The following MCTP1 variants were observed in gnomAD, a reference collection of about 807,000 sequenced individuals.
MCTP1 encodes multiple C2 and transmembrane domain containing 1.
MCTP1 carries 69 observed loss-of-function variants against 120.6 expected under a neutral mutation model. The ratio of observed to expected loss-of-function variants is 0.57; its 90% CI spans 0.47 to 0.70. MCTP1 has a LOEUF of 0.70. Ranked by LOEUF, MCTP1 falls within the 30% of genes least tolerant of loss-of-function variation. The pLI is 0.00. For missense variants in MCTP1, 1,203 were observed against 1,248.8 expected (o/e 0.96, Z 0.55); for synonymous variants, 529 against 493.1 (o/e 1.07, Z -0.96).
At chr5:95,174,231 C>T (rs1251471216) in intron 1 of MCTP1, among the ~76,000 whole-genome samples, 1 of 152,182 alleles carries the variant, frequency 6.6e-6, no homozygotes, top group Non-Finnish European at 1.5e-5. Context: ...CGAAAATAAA[C>T]CTTCCCCAAA....
At chr5:95,271,035 C>T (rs183407059) in intron 1 of MCTP1, among the ~76,000 whole-genome samples, 113 of 151,954 alleles carry the variant, frequency 7.4e-4, no homozygotes, top group African/African-American at 2.7e-3. Context: ...TTTTCATGTA[C>T]ACGTATGCAA....
chr5:94,920,481 G>T (rs1190854484), intron 7 of MCTP1, among the ~76,000 whole-genome samples: 1 of 152,006 alleles, frequency 6.6e-6, no homozygotes, highest in African/African-American at 2.4e-5. Flanking sequence ...GGTGGCTCAC[G>T]CCTGTAATCC....
chr5:94,824,956 C>T (rs1250853492), intron 17 of MCTP1, among the ~76,000 whole-genome samples: 1 of 152,070 alleles, frequency 6.6e-6, no homozygotes, highest in Non-Finnish European at 1.5e-5. Flanking sequence ...GGCTAGCAGA[C>T]TATCTATTTT....
chr5:95,011,969 C>T (rs1836072300), intron 2 of MCTP1, among the ~76,000 whole-genome samples: 1 of 152,066 alleles, frequency 6.6e-6, no homozygotes, highest in Non-Finnish European at 1.5e-5. Flanking sequence ...TTCCCTGTCC[C>T]AGGCCTGAAA....
intron 1 of MCTP1, among the ~76,000 whole-genome samples, chr5:95,197,077 A>G (rs1750482134): frequency 1.3e-5 from 2 of 152,200 alleles, no homozygotes; most frequent in African/African-American, 4.8e-5. Context: ...ATTTCAAAGC[A>G]GTTTTCCCAG....
chr5:94,798,995 AAG>A lies in MCTP1; in HGVS notation c.2556+16_2556+17del. On this transcript the variant is annotated intron_variant, in intron 18 of 22. Transcript: ENST00000515393. ...AATAAGAACAAAAACACATACAAGT[AAG>A]AGAGTAGAGACTTACTGTATCACGT... 1 of 1,602,186 alleles carries A rather than the reference AAG, an allele frequency of 6.2e-7. No homozygotes were observed.
intron 1 of MCTP1, among the ~76,000 whole-genome samples, chr5:95,146,618 T>G (rs1159852127): frequency 6.6e-6 from 1 of 152,182 alleles, no homozygotes; most frequent in African/African-American, 2.4e-5. Context: ...TTTTTTAAAT[T>G]TTTGCCTTAA....
intron 16 of MCTP1, among the ~76,000 whole-genome samples, chr5:94,869,219 A>C (rs1797383840): frequency 6.6e-6 from 1 of 152,068 alleles, no homozygotes; most frequent in South Asian, 2.1e-4. Flanking sequence ...TACCACAGCT[A>C]TATTAATAAT....
At chr5:94,712,635 G>T (rs935145400) in intron 20 of MCTP1, among the ~76,000 whole-genome samples, 4 of 152,002 alleles carry the variant, frequency 2.6e-5, no homozygotes, top group African/African-American at 9.7e-5. Context: ...CCTATTTTCA[G>T]TAATCCCTGG....
intron 6 of MCTP1, among the ~76,000 whole-genome samples, chr5:94,929,461 T>G (rs113218195): frequency 2.7e-3 from 412 of 152,356 alleles, no homozygotes; most frequent in African/African-American, 9.5e-3. Flanking sequence ...AATACCCATA[T>G]TTAAATGTAA....
Position 95,033,655 on chromosome 5 carries a change from A to T in MCTP1, c.721-16171T>A, listed in dbSNP as rs528123616. 6.6e-5 allele frequency among the ~76,000 whole-genome samples: 10 copies of T among 152,162 alleles called. No individual in the cohort carries two copies. The East Asian group carries it at 1.9e-3, about 29-fold the overall frequency. On this transcript the variant is annotated intron_variant, in intron 1 of 22. Transcript: ENST00000515393. ...GGGCACAGTTAGAAGCATTTCCCCT[A>T]CAAACTGGAACAAGACAGATGTCCA...
chr5:95,254,177 A>G (rs1430251349), intron 1 of MCTP1, among the ~76,000 whole-genome samples: 1 of 152,146 alleles, frequency 6.6e-6, no homozygotes, highest in Non-Finnish European at 1.5e-5. Flanking sequence ...GTTTTCTTCT[A>G]TAAGCTATCT....
intron 17 of MCTP1, among the ~76,000 whole-genome samples, chr5:94,837,412 G>A (rs1364094099): frequency 1.3e-5 from 2 of 152,032 alleles, no homozygotes; most frequent in South Asian, 2.1e-4. Context: ...AATGACACAG[G>A]GAACTAGCAT....
rs151066589 is a variant in MCTP1, at chr5:94,840,176, GA to G, written c.2436+28156del. On this transcript the variant is annotated intron_variant, in intron 17 of 22. Transcript: ENST00000515393. ...ACTCATCTTAGACTCAGTGTAGCTGGAAAAAAAAAATCCTCCTTTCCCCCAA... is the reference window on the plus strand; with the variant it reads ...ACTCATCTTAGACTCAGTGTAGCTGGAAAAAAAAATCCTCCTTTCCCCCAA... 2.9e-3 allele frequency among the ~76,000 whole-genome samples: 435 copies of G among 149,470 alleles called. 2 individuals are homozygous for G. Among genetic ancestry groups the G allele is most frequent in the Non-Finnish European group, 4.6e-3 (312 of 67,216 alleles).
chr5:94,937,193 AT>A (rs1269554430), intron 5 of MCTP1, among the ~76,000 whole-genome samples: 1 of 152,114 alleles, frequency 6.6e-6, no homozygotes, highest in African/African-American at 2.4e-5. Context: ...AGAAGACGCT[AT>A]TTCCCTCTTA....
chr5:94,876,617 TG>T (rs1798928785), intron 12 of MCTP1, among the ~76,000 whole-genome samples: 1 of 152,016 alleles, frequency 6.6e-6, no homozygotes, highest in Non-Finnish European at 1.5e-5. Context: ...AGCAGACCAG[TG>T]GGTATCAAAT....
intron 2 of MCTP1, among the ~76,000 whole-genome samples, chr5:94,968,355 A>G (rs32922): frequency 0.83 from 126,704 of 152,130 alleles, 53,314 homozygotes; most frequent in African/African-American, 0.94. Context: ...TCACTTACTA[A>G]GTTTTTTTGA....
chr5:94,972,730 C>A (rs1827182133), intron 2 of MCTP1, among the ~76,000 whole-genome samples: 1 of 152,096 alleles, frequency 6.6e-6, no homozygotes, highest in African/African-American at 2.4e-5. Flanking sequence ...AACAACTTTT[C>A]AAATAGATTT....
intron 3 of MCTP1, among the ~76,000 whole-genome samples, chr5:94,947,555 AATATAT>A (rs377155852): frequency 0.011 from 438 of 39,498 alleles, 37 homozygotes; most frequent in Non-Finnish European, 0.016. Context: ...TAGTTTACTA[AATATAT>A]ATATATATAT....
Sources: allele counts gnomAD v4.1 joint callset (sites outside exome capture counted in the v4.1 genomes callset), GRCh38; gene constraint gnomAD v4.1.1; transcripts MANE v1.5; gene names NCBI Gene and HGNC (gene_info 2026-07-23, HGNC 2026-07-21).